The following TDRD1 variants were observed in gnomAD, a reference collection of about 807,000 sequenced individuals.
The protein encoded by TDRD1 is tudor domain-containing protein 1.
In TDRD1, 37 loss-of-function variants were observed where a neutral mutation model predicts 140.6. The ratio of observed to expected loss-of-function variants is 0.26; its 90% CI spans 0.20 to 0.35. The LOEUF is 0.35. Ranked by LOEUF, TDRD1 falls within the 10% of genes least tolerant of loss-of-function variation. The probability of loss-of-function intolerance (pLI) is 1.00; values close to 1 mark genes in which losing one functional copy is unlikely to be tolerated. For missense variants in TDRD1, 1,243 were observed against 1,393.0 expected (o/e 0.89, Z 1.71); for synonymous variants, 506 against 475.7 (o/e 1.06, Z -0.83).
chr10:114,201,307 C>T (rs912313479), intron 4 of TDRD1, 103 bp from the exon 5 acceptor site: 1 of 887,222 alleles, frequency 1.1e-6, no homozygotes, highest in African/African-American at 1.6e-5. Context: ...TCCTAAATAG[C>T]ACAATTCTCT....
chr10:114,207,831 A>G (rs1380781168), intron 11 of TDRD1, among the ~76,000 whole-genome samples: 1 of 152,036 alleles, frequency 6.6e-6, no homozygotes, highest in Non-Finnish European at 1.5e-5. Context: ...CAAGAAAACC[A>G]CTGAGCAATA....
At chr10:114,211,756 A>G (rs2035497606) in intron 13 of TDRD1, 110 bp from the exon 14 acceptor site, 1 of 1,092,768 alleles carries the variant, frequency 9.2e-7, no homozygotes, top group Non-Finnish European at 1.3e-6. Context: ...TAAGCTTGAT[A>G]TCTATTAAAG....
intron 2 of TDRD1, among the ~76,000 whole-genome samples, chr10:114,190,249 T>A (rs1473457947): frequency 6.6e-6 from 1 of 152,218 alleles, no homozygotes; most frequent in Non-Finnish European, 1.5e-5. Context: ...TTTTAAAAAT[T>A]ATCAGCATGT....
rs1035160331 is a variant in TDRD1 at position 114,210,986 on chromosome 10, T to C, written c.1660+19T>C. 6.4e-7 allele frequency: 1 copy of C among 1,552,108 alleles called. No homozygotes were observed. Reference sequence around the variant, plus strand: ...TTCTCAGGTAAGGACAGAGTATTACTGATTTTTAAAATTTATTTTTATTTA... The same window carrying C: ...TTCTCAGGTAAGGACAGAGTATTACCGATTTTTAAAATTTATTTTTATTTA... On this transcript the variant is annotated intron_variant, in intron 13 of 25. Coordinates refer to ENST00000251864, the Ensembl canonical transcript of TDRD1.
intron 9 of TDRD1, 82 bp from the exon 10 acceptor site, chr10:114,204,640 T>C: frequency 7.4e-7 from 1 of 1,356,904 alleles, no homozygotes; most frequent in East Asian, 2.6e-5. Context: ...CAGCATGAAA[T>C]ACATTCTTTT....
Position 114,183,125 on chromosome 10 carries a change from A to G in TDRD1, c.-7+3709A>G, listed in dbSNP as rs1394522708. On this transcript the variant is annotated intron_variant, in intron 1 of 25. Coordinates refer to ENST00000251864, the Ensembl canonical transcript of TDRD1. ...ACTTAAAATAATTTAAATGACAGAT[A>G]TAACTGTCTATAGGTAACTGTAATA... Among the ~76,000 whole-genome samples the G allele has an allele frequency of 2.6e-5, 4 of 152,218 alleles. No individual in the cohort carries two copies. In the East Asian group the frequency reaches 7.7e-4, roughly 29 times the overall value.
chr10:114,217,995 A>G (rs1037681576), intron 17 of TDRD1, among the ~76,000 whole-genome samples: 1 of 152,200 alleles, frequency 6.6e-6, no homozygotes, highest in African/African-American at 2.4e-5. Context: ...TGTAATTGAG[A>G]CATCTTCATT....
chr10:114,189,398 C>G (rs2033795204), intron 2 of TDRD1, among the ~76,000 whole-genome samples: 1 of 152,134 alleles, frequency 6.6e-6, no homozygotes, highest in African/African-American at 2.4e-5. Flanking sequence ...TCAGACTTAC[C>G]TGGCAAGCAT....
intron 23 of TDRD1, among the ~76,000 whole-genome samples, chr10:114,227,565 C>T (rs2036508065): frequency 6.6e-6 from 1 of 152,226 alleles, no homozygotes; most frequent in African/African-American, 2.4e-5. Flanking sequence ...GCCAGGCATT[C>T]TGCGTGCTTC....
intron 16 of TDRD1, among the ~76,000 whole-genome samples, chr10:114,217,211 T>C (rs1316373583): frequency 6.6e-6 from 1 of 152,206 alleles, no homozygotes; most frequent in African/African-American, 2.4e-5. Flanking sequence ...TATAGTCACT[T>C]TCAGGACAGC....
At chr10:114,177,275 T>C (rs2119822558), upstream of TDRD1, among the ~76,000 whole-genome samples, 1 of 151,994 alleles carries the variant, frequency 6.6e-6, no homozygotes, top group South Asian at 2.1e-4. Context: ...AAGTGTATAG[T>C]ATGAAAAGGG....
intron 1 of TDRD1, among the ~76,000 whole-genome samples, chr10:114,182,539 TATTAA>T (rs1368952073): frequency 6.6e-6 from 1 of 152,236 alleles, no homozygotes; most frequent in Non-Finnish European, 1.5e-5. Flanking sequence ...GAAGTTTTGT[TATTAA>T]ATTTCAGTAA....
chr10:114,215,663 T>C (rs1336658789), intron 16 of TDRD1, among the ~76,000 whole-genome samples: 1 of 152,240 alleles, frequency 6.6e-6, no homozygotes, highest in Non-Finnish European at 1.5e-5. Flanking sequence ...TTGTGAGATT[T>C]GTCATTTCTT....
At chr10:114,177,600 T>C (rs1234433443), upstream of TDRD1, among the ~76,000 whole-genome samples, 1 of 152,124 alleles carries the variant, frequency 6.6e-6, no homozygotes, top group Non-Finnish European at 1.5e-5. Context: ...TAAGGATCCA[T>C]GAAAACTAAA....
intron 4 of TDRD1, among the ~76,000 whole-genome samples, chr10:114,200,807 C>T (rs1479065973): frequency 6.8e-6 from 1 of 146,460 alleles, no homozygotes; most frequent in African/African-American, 2.5e-5. Context: ...GGATTACAGG[C>T]GTGAGCCACT....
intron 11 of TDRD1, among the ~76,000 whole-genome samples, chr10:114,209,013 A>T (rs2035309401): frequency 6.6e-6 from 1 of 151,912 alleles, no homozygotes; most frequent in Admixed American, 6.6e-5. Context: ...CCATCTCCTG[A>T]CCTCGTGAAC....
chr10:114,206,611 G>GC, intron 11 of TDRD1, among the ~76,000 whole-genome samples: 1 of 105,992 alleles, frequency 9.4e-6, no homozygotes, highest in Non-Finnish European at 2.0e-5. Context: ...GTTAGGGTTT[G>GC]TTTTTTTTTT....
intron 25 of TDRD1, chr10:114,228,284 T>TTTTGTAGG: frequency 7.1e-7 from 1 of 1,409,428 alleles, no homozygotes; most frequent in Non-Finnish European, 9.3e-7. Flanking sequence ...CTTCTGCTGT[T>TTTTGTAGG]TTTGTAGGTT....
At chr10:114,214,860 C>A (rs2035712325) in intron 16 of TDRD1, among the ~76,000 whole-genome samples, 1 of 152,000 alleles carries the variant, frequency 6.6e-6, no homozygotes, top group Non-Finnish European at 1.5e-5. Context: ...GTCTCAGCCT[C>A]CTGAGTAGCT....
Sources: allele counts gnomAD v4.1 joint callset (sites outside exome capture counted in the v4.1 genomes callset), GRCh38; gene constraint gnomAD v4.1.1; transcripts MANE v1.5; gene names NCBI Gene and HGNC (gene_info 2026-07-23, HGNC 2026-07-21).